The following SEMA3A variants were observed in gnomAD, a reference collection of about 807,000 sequenced individuals.
The protein encoded by SEMA3A is semaphorin 3A.
SEMA3A carries 29 observed loss-of-function variants against 97.9 expected under a neutral mutation model. The ratio of observed to expected loss-of-function variants is 0.30; its 90% CI spans 0.22 to 0.40. SEMA3A has a LOEUF of 0.40. Among genes scored for constraint, SEMA3A ranks in the 10% least tolerant of loss-of-function variants. The pLI is 1.00. For missense variants in SEMA3A, 763 were observed against 951.3 expected (o/e 0.80, Z 2.60); for synonymous variants, 321 against 323.7 (o/e 0.99, Z 0.09).
chr7:84,401,491 G>GA (rs35848664), intron 1 of SEMA3A, among the ~76,000 whole-genome samples: 15,059 of 114,094 alleles, frequency 0.13, 1,328 homozygotes, highest in East Asian at 0.26. Context: ...CACAGAAATA[G>GA]AAAAAAAAAA....
chr7:84,313,362 A>ATG (rs1801405015), intron 2 of SEMA3A, among the ~76,000 whole-genome samples: 1 of 14,490 alleles, frequency 6.9e-5, no homozygotes, highest in African/African-American at 1.2e-4. Context: ...GTGTGTATAT[A>ATG]TATATATATA....
intron 9 of SEMA3A, among the ~76,000 whole-genome samples, chr7:84,008,324 T>C (rs1790747829): frequency 6.6e-6 from 1 of 151,910 alleles, no homozygotes; most frequent in South Asian, 2.1e-4. Flanking sequence ...ACCCCGTCTC[T>C]ACTAAAAATA....
chr7:84,069,194 CT>C (rs1041336092), intron 4 of SEMA3A, among the ~76,000 whole-genome samples: 5 of 152,062 alleles, frequency 3.3e-5, no homozygotes, highest in Admixed American at 3.3e-4. Context: ...TAATAATGGG[CT>C]TTAAGGATGT....
At position 84,463,461 on chromosome 7, in the gene SEMA3A, G is replaced by A. The variant is rs182639039; in HGVS notation, c.-246+28999C>T. On this transcript the variant is annotated intron_variant, in intron 1 of 3. Coordinates refer to the SEMA3A transcript ENST00000424555. ...GACGGGGTTTCACCGTGTTAGCCAG[G>A]ATAGTCCCGATCTCCTAACCTCGTG... Among the ~76,000 whole-genome samples, 606 of 151,916 alleles carry A rather than the reference G, an allele frequency of 4.0e-3. 4 individuals are homozygous for A. Among genetic ancestry groups the A allele is most frequent in the African/African-American group, 0.014 (561 of 41,448 alleles).
chr7:84,126,230 G>C (rs938260842), intron 3 of SEMA3A, among the ~76,000 whole-genome samples: 16 of 151,604 alleles, frequency 1.1e-4, no homozygotes, highest in African/African-American at 3.9e-4. Flanking sequence ...TTTTGAAACA[G>C]AGTCTCACTC....
At chr7:84,419,543 A>C (rs1562940574) in intron 1 of SEMA3A, among the ~76,000 whole-genome samples, 1 of 151,876 alleles carries the variant, frequency 6.6e-6, no homozygotes, top group Non-Finnish European at 1.5e-5. Context: ...AAAAAAAAAA[A>C]ATAGTTGAGA....
intron 1 of SEMA3A, among the ~76,000 whole-genome samples, chr7:84,454,627 T>C (rs746608140): frequency 1.3e-5 from 2 of 152,110 alleles, no homozygotes; most frequent in Non-Finnish European, 2.9e-5. Flanking sequence ...ATATTGTATA[T>C]TCATGTAATA....
At chr7:84,419,043 C>G (rs1804517112) in intron 1 of SEMA3A, among the ~76,000 whole-genome samples, 1 of 151,864 alleles carries the variant, frequency 6.6e-6, no homozygotes, top group Non-Finnish European at 1.5e-5. Flanking sequence ...ATTGGTTTCT[C>G]TTTCATGTTA....
intron 3 of SEMA3A, among the ~76,000 whole-genome samples, chr7:84,211,379 G>A (rs201496724): frequency 2.6e-5 from 4 of 152,106 alleles, no homozygotes; most frequent in East Asian, 1.9e-4. Context: ...GGGAGGCCAA[G>A]GCGGGTGGAT....
At chr7:84,214,805 TCTC>T (rs1235988482) in intron 3 of SEMA3A, among the ~76,000 whole-genome samples, 2 of 151,702 alleles carry the variant, frequency 1.3e-5, no homozygotes, top group Non-Finnish European at 1.5e-5. Flanking sequence ...TTCAAGCAAT[TCTC>T]CTGCCCCAGC....
rs139554319 is a variant in SEMA3A, at chr7:84,248,158, A to G, written c.-82-53490T>C. 3.6e-3 allele frequency among the ~76,000 whole-genome samples: 551 copies of G among 152,302 alleles called. 3 individuals carry two copies. Among genetic ancestry groups the G allele is most frequent in the African/African-American group, 0.013 (524 of 41,564 alleles). ...GTCTCCTTTCCAGTAAATGACAAAC[A>G]TAATGAATACTTAAAATATATATTT... On this transcript the variant is annotated intron_variant, in intron 3 of 3. Coordinates refer to the SEMA3A transcript ENST00000424555.
intron 1 of SEMA3A, among the ~76,000 whole-genome samples, chr7:84,475,559 AT>A (rs1262097100): frequency 6.6e-6 from 1 of 152,220 alleles, no homozygotes; most frequent in African/African-American, 2.4e-5. Flanking sequence ...CACAAAATGA[AT>A]TTCAAGGGCA....
intron 1 of SEMA3A, among the ~76,000 whole-genome samples, chr7:84,382,286 T>C (rs1488363553): frequency 6.6e-6 from 1 of 151,764 alleles, no homozygotes; most frequent in Non-Finnish European, 1.5e-5. Flanking sequence ...TTTTGTATTT[T>C]AGTAGAGATG....
chr7:84,440,897 G>A (rs1252007126), intron 1 of SEMA3A, among the ~76,000 whole-genome samples: 3 of 152,160 alleles, frequency 2.0e-5, no homozygotes, highest in Non-Finnish European at 2.9e-5. Flanking sequence ...GGTGGCTCAC[G>A]CCTGTAATCT....
intron 1 of SEMA3A, among the ~76,000 whole-genome samples, chr7:84,378,865 A>C (rs2116130694): frequency 6.6e-6 from 1 of 151,932 alleles, no homozygotes; most frequent in East Asian, 1.9e-4. Flanking sequence ...TAGGAAAATT[A>C]AGATCCATGA....
chr7:84,207,591 T>C (rs1798520997), intron 3 of SEMA3A, among the ~76,000 whole-genome samples: 1 of 152,236 alleles, frequency 6.6e-6, no homozygotes, highest in African/African-American at 2.4e-5. Context: ...AAGAGTAGTT[T>C]GTTTTAGGGT....
At chr7:84,142,585 T>C (rs974072961) in intron 1 of SEMA3A, among the ~76,000 whole-genome samples, 25 of 152,172 alleles carry the variant, frequency 1.6e-4, no homozygotes, top group Non-Finnish European at 3.4e-4. Context: ...TACTAAGAAC[T>C]GATTTTGGAA....
At chr7:84,001,036 C>T (rs1002463199) in intron 12 of SEMA3A, among the ~76,000 whole-genome samples, 1 of 149,756 alleles carries the variant, frequency 6.7e-6, no homozygotes, top group African/African-American at 2.5e-5. Context: ...AATATTTTCT[C>T]ATTTTTCTGT....
chr7:84,302,970 A>C (rs1298886998), intron 3 of SEMA3A, among the ~76,000 whole-genome samples: 1 of 152,202 alleles, frequency 6.6e-6, no homozygotes, highest in South Asian at 2.1e-4. Flanking sequence ...AAAAAGAAAA[A>C]GAAAAGAACA....
Sources: gnomAD v4.1 joint callset for allele counts (sites outside exome capture counted in the v4.1 genomes callset) on GRCh38, gnomAD v4.1.1 for gene constraint, MANE v1.5 for transcripts, NCBI Gene and HGNC (gene_info 2026-07-23, HGNC 2026-07-21) for gene names.